Variants in SPICE1 observed in about 807,000 individuals in gnomAD.
SPICE1 encodes the protein spindle and centriole associated protein 1.
SPICE1 carries 75 observed loss-of-function variants against 102.7 expected under a neutral mutation model. The ratio of observed to expected loss-of-function variants is 0.73; its 90% CI spans 0.61 to 0.88. The LOEUF is 0.88. Among genes scored for constraint, SPICE1 ranks in the 40% least tolerant of loss-of-function variants. SPICE1 has a pLI of 0.00. For synonymous variants in SPICE1, 308 were observed against 350.3 expected, an observed-to-expected ratio of 0.88 and a Z score of 1.35; for missense variants, 979 against 1,020.1, an observed-to-expected ratio of 0.96 and a Z score of 0.55.
At chr3:113,480,878 A>T (rs1233463664) in intron 7 of SPICE1, among the ~76,000 whole-genome samples, 2 of 131,816 alleles carry the variant, frequency 1.5e-5, no homozygotes, top group Non-Finnish European at 3.3e-5. Context: ...TCCTGTCTCA[A>T]AAAAGACTAA....
chr3:113,487,255 G>T (rs886880892), intron 7 of SPICE1, among the ~76,000 whole-genome samples: 1 of 151,996 alleles, frequency 6.6e-6, no homozygotes, highest in Non-Finnish European at 1.5e-5. Context: ...GTAATGTTTG[G>T]AGACATGCTG....
intron 1 of SPICE1, among the ~76,000 whole-genome samples, chr3:113,512,191 T>C (rs1937234289): frequency 6.6e-6 from 1 of 152,184 alleles, no homozygotes; most frequent in South Asian, 2.1e-4. Context: ...TAAATAGTAA[T>C]TGTTTTAGGC....
intron 13 of SPICE1, among the ~76,000 whole-genome samples, chr3:113,456,105 T>C (rs1465588210): frequency 2.0e-5 from 3 of 152,212 alleles, no homozygotes; most frequent in African/African-American, 7.2e-5. Flanking sequence ...ACTGTCACCA[T>C]TGCACCATAC....
At chr3:113,479,493 T>C (rs534069706) in intron 7 of SPICE1, among the ~76,000 whole-genome samples, 10 of 152,006 alleles carry the variant, frequency 6.6e-5, no homozygotes, top group Admixed American at 2.6e-4. Context: ...ATATACCCAG[T>C]AATGGGATGG....
intron 15 of SPICE1, among the ~76,000 whole-genome samples, chr3:113,448,535 T>A (rs547495090): frequency 1.3e-5 from 2 of 152,250 alleles, no homozygotes; most frequent in South Asian, 2.1e-4. Flanking sequence ...AAACTTTAAA[T>A]CTTTTAAATC....
chr3:113,464,564 C>T (rs1936008061), intron 11 of SPICE1, among the ~76,000 whole-genome samples: 1 of 152,026 alleles, frequency 6.6e-6, no homozygotes, highest in Non-Finnish European at 1.5e-5. Context: ...CCTATATTAT[C>T]AATTTTAAAA....
chr3:113,446,554 CT>C (rs773669788), intron 17 of SPICE1, 34 bp downstream of exon 17: 16 of 1,492,804 alleles, frequency 1.1e-5, no homozygotes, highest in Admixed American at 6.8e-5. Flanking sequence ...ACCCTCACCC[CT>C]ATATGCATTT....
At chr3:113,474,984 T>C (rs770847557) in intron 7 of SPICE1, among the ~76,000 whole-genome samples, 64 of 152,046 alleles carry the variant, frequency 4.2e-4, no homozygotes, top group Non-Finnish European at 6.8e-4. Context: ...AAAAAAGTAA[T>C]GAATCCAGGA....
At chr3:113,500,600 A>G (rs937261518) in intron 3 of SPICE1, among the ~76,000 whole-genome samples, 1 of 152,214 alleles carries the variant, frequency 6.6e-6, no homozygotes, top group Admixed American at 6.5e-5. Context: ...TTGCTTTAAA[A>G]TATTTCAGAG....
chr3:113,487,377 TAGAC>T (rs991414422), intron 7 of SPICE1, among the ~76,000 whole-genome samples: 9 of 152,168 alleles, frequency 5.9e-5, no homozygotes, highest in Non-Finnish European at 1.2e-4. Context: ...TATAGCTAAA[TAGAC>T]AGAAAACTAG....
chr3:113,506,869 T>G (rs531970610), intron 1 of SPICE1, among the ~76,000 whole-genome samples: 1 of 152,298 alleles, frequency 6.6e-6, no homozygotes, highest in Non-Finnish European at 1.5e-5. Flanking sequence ...AATGCAGAAA[T>G]TATGGCCTAA....
intron 11 of SPICE1, among the ~76,000 whole-genome samples, chr3:113,464,767 A>T (rs1010652941): frequency 4.6e-5 from 7 of 152,228 alleles, no homozygotes; most frequent in African/African-American, 1.7e-4. Context: ...ATAAGTATAA[A>T]ACAATTTGAT....
chr3:113,492,727 G>A (rs1260399333), intron 6 of SPICE1, among the ~76,000 whole-genome samples: 3 of 152,078 alleles, frequency 2.0e-5, no homozygotes, highest in Non-Finnish European at 4.4e-5. Context: ...AAAAAACGAA[G>A]AAGCAAAACA....
chr3:113,459,995 A>G (rs1422487165), intron 12 of SPICE1: 1 of 985,318 alleles, frequency 1.0e-6, no homozygotes, highest in Non-Finnish European at 1.2e-6. Context: ...CTTAGAATCC[A>G]TCCTAAGAAA....
Position 113,459,877 on chromosome 3 carries a change from A to T in SPICE1, c.1435+740T>A, listed in dbSNP as rs1024722253. Reference sequence around the variant, plus strand: ...AGCCTGGGTGACAGAGCGAAACTCCATCTCAAAAAGAAAAAAAAAAAAAAA... The same window carrying T: ...AGCCTGGGTGACAGAGCGAAACTCCTTCTCAAAAAGAAAAAAAAAAAAAAA... On this transcript the variant is annotated intron_variant, in intron 12 of 17. Transcript: ENST00000295872. 6.1e-6 allele frequency: 6 copies of T among 982,908 alleles called. No homozygotes were observed. In the African/African-American group the frequency reaches 1.1e-4, roughly 17 times the overall value. The allele number at this position is 982,908 out of a possible 1,614,324, so 60.9% of individuals were successfully genotyped here.
intron 16 of SPICE1, among the ~76,000 whole-genome samples, chr3:113,447,737 T>C (rs1935549718): frequency 6.6e-6 from 1 of 152,184 alleles, no homozygotes. Flanking sequence ...AGGAAAATAC[T>C]ATTGGTCAAT....
At chr3:113,463,794 C>T (rs1464078561) in intron 11 of SPICE1, among the ~76,000 whole-genome samples, 1 of 152,148 alleles carries the variant, frequency 6.6e-6, no homozygotes, top group African/African-American at 2.4e-5. Context: ...GATGGCCTGG[C>T]GCGGTGGCTC....
chr3:113,472,538 G>T (rs1936231371), intron 7 of SPICE1, among the ~76,000 whole-genome samples: 1 of 152,220 alleles, frequency 6.6e-6, no homozygotes, highest in Non-Finnish European at 1.5e-5. Context: ...GCAACCCCCA[G>T]TAGGGGCAGA....
rs1047200750 is a variant in SPICE1, at chr3:113,501,701, G to A, written c.147+1479C>T. Among the ~76,000 whole-genome samples the A allele has an allele frequency of 1.5e-4, 23 of 152,226 alleles. 1 individual carries two copies. Among genetic ancestry groups the A allele is most frequent in the East Asian group, 3.9e-4 (2 of 5,174 alleles). On this transcript the variant is annotated intron_variant, in intron 3 of 17. Transcript: ENST00000295872. The stretch of plus-strand genomic sequence containing the variant: ...TTTATCAATTAGGGAAATGCAAATT[G>A]AAACCACAATGAGACAGCACTTTAC...
Sources: gnomAD v4.1 joint callset for allele counts (sites outside exome capture counted in the v4.1 genomes callset) on GRCh38, gnomAD v4.1.1 for gene constraint, MANE v1.5 for transcripts, NCBI Gene and HGNC (gene_info 2026-07-23, HGNC 2026-07-21) for gene names.